The following HCN1 variants were observed in gnomAD, a reference collection of about 807,000 sequenced individuals.
HCN1 encodes hyperpolarization activated cyclic nucleotide gated potassium channel 1, also known as potassium/sodium hyperpolarization-activated cyclic nucleotide-gated channel 1.
In HCN1, 13 loss-of-function variants were observed where a neutral mutation model predicts 78.9. That is an observed-to-expected ratio of 0.16 (90% confidence interval 0.11 to 0.26). The LOEUF is 0.26. HCN1 is among the 10% of genes least tolerant of loss of function. The probability of loss-of-function intolerance (pLI) is 1.00; values close to 1 mark genes in which losing one functional copy is unlikely to be tolerated. For synonymous variants in HCN1, 552 were observed against 455.5 expected (o/e 1.21, Z -2.70); for missense variants, 810 against 1,154.3 (o/e 0.70, Z 4.32).
At chr5:45,313,620 G>A (rs965003701) in intron 5 of HCN1, among the ~76,000 whole-genome samples, 4 of 152,168 alleles carry the variant, frequency 2.6e-5, no homozygotes, top group Non-Finnish European at 5.9e-5. Context: ...AAACCTTGAA[G>A]AAATATTAGA....
intron 2 of HCN1, among the ~76,000 whole-genome samples, chr5:45,483,040 T>C (rs1741687700): frequency 6.6e-6 from 1 of 152,224 alleles, no homozygotes; most frequent in Non-Finnish European, 1.5e-5. Context: ...TCCATGTCTT[T>C]GCTATTGTAA....
At chr5:45,547,939 T>C (rs1477093494) in intron 2 of HCN1, among the ~76,000 whole-genome samples, 6 of 151,968 alleles carry the variant, frequency 3.9e-5, no homozygotes, top group Non-Finnish European at 8.8e-5. Context: ...TTCGTATCTG[T>C]CTTGCCACAA....
chr5:45,580,142 A>G (rs1744032577), intron 2 of HCN1, among the ~76,000 whole-genome samples: 1 of 152,080 alleles, frequency 6.6e-6, no homozygotes, highest in Non-Finnish European at 1.5e-5. Flanking sequence ...CTAGGAAAAT[A>G]TTAGATTACA....
intron 2 of HCN1, among the ~76,000 whole-genome samples, chr5:45,598,767 A>G (rs1744559312): frequency 6.6e-6 from 1 of 152,222 alleles, no homozygotes; most frequent in Middle Eastern, 3.2e-3. Context: ...ATGAACAGAC[A>G]CTTCTCAAAA....
intron 3 of HCN1, among the ~76,000 whole-genome samples, chr5:45,451,646 C>A (rs1203121012): frequency 6.6e-6 from 1 of 151,898 alleles, no homozygotes; most frequent in Non-Finnish European, 1.5e-5. Flanking sequence ...ATTATAATTT[C>A]ATTGAACTCA....
intron 2 of HCN1, among the ~76,000 whole-genome samples, chr5:45,527,571 GTCTC>G (rs1446229131): frequency 7.0e-6 from 1 of 142,232 alleles, no homozygotes; most frequent in African/African-American, 2.6e-5. Context: ...CTCTCTCTCT[GTCTC>G]TCTCCCATCA....
chr5:45,437,783 ATACTT>A (rs1435876476), intron 3 of HCN1, among the ~76,000 whole-genome samples: 1 of 152,210 alleles, frequency 6.6e-6, no homozygotes, highest in Non-Finnish European at 1.5e-5. Context: ...GTTTAAAAGA[ATACTT>A]TATTATTTCT....
chr5:45,396,479 T>C lies in HCN1; in HGVS notation c.1230+13A>G. 6.2e-7 allele frequency: 1 copy of C among 1,609,110 alleles called. No individual in the cohort carries two copies. Among genetic ancestry groups the C allele is most frequent in the Non-Finnish European group, 8.5e-7 (1 of 1,177,088 alleles). On this transcript the variant is annotated intron_variant, in intron 4 of 7. Coordinates refer to ENST00000303230, the MANE Select transcript of HCN1 (RefSeq NM_021072.4). ...GCTGGTTAAAGACATTGGCGATAAA[T>C]AAAACAAATTACCTTCTCTTGATAC...
At chr5:45,683,208 T>G (rs1470800978) in intron 1 of HCN1, among the ~76,000 whole-genome samples, 1 of 152,176 alleles carries the variant, frequency 6.6e-6, no homozygotes, top group Non-Finnish European at 1.5e-5. Flanking sequence ...AAAAATGGAT[T>G]TTACTCAATT....
chr5:45,362,172 G>C (rs931656147), intron 4 of HCN1, among the ~76,000 whole-genome samples: 5 of 151,116 alleles, frequency 3.3e-5, no homozygotes, highest in African/African-American at 1.2e-4. Flanking sequence ...GTGTGTGTGT[G>C]TGTGTGTGTG....
chr5:45,663,119 A>C lies in HCN1; in HGVS notation c.426-17511T>G, dbSNP rs1042515297. ...GGTACCAAAACAGAGATATAGATGA[A>C]TGGAACAGAACAGAGCCCTCAGAAA... On this transcript the variant is annotated intron_variant, in intron 1 of 7. Transcript: ENST00000303230. 3.6e-4 allele frequency among the ~76,000 whole-genome samples: 53 copies of C among 149,178 alleles called. 1 individual carries two copies. In the South Asian group the frequency reaches 3.9e-3, roughly 11 times the overall value.
chr5:45,691,064 A>T (rs1739902974), intron 1 of HCN1, among the ~76,000 whole-genome samples: 2 of 152,076 alleles, frequency 1.3e-5, no homozygotes, highest in African/African-American at 4.8e-5. Flanking sequence ...TACAAATACT[A>T]TTTATCTTGC....
intron 3 of HCN1, among the ~76,000 whole-genome samples, chr5:45,406,833 A>G (rs747489142): frequency 6.6e-6 from 1 of 152,206 alleles, no homozygotes; most frequent in Non-Finnish European, 1.5e-5. Context: ...ACGCTGAGGT[A>G]AAATTTCCTG....
At chr5:45,601,433 G>A (rs903439586) in intron 2 of HCN1, among the ~76,000 whole-genome samples, 1 of 152,094 alleles carries the variant, frequency 6.6e-6, no homozygotes, top group African/African-American at 2.4e-5. Flanking sequence ...ATTGACCTTT[G>A]GGGCCTGTGT....
At chr5:45,645,101 C>T in intron 2 of HCN1, 84 bp downstream of exon 2, 2 of 985,230 alleles carry the variant, frequency 2.0e-6, no homozygotes, top group South Asian at 1.4e-5. Context: ...AAACTCATTA[C>T]ACATTGCACA....
At position 45,372,680 on chromosome 5, in the gene HCN1, T is replaced by C. The variant is rs1035961170; in HGVS notation, c.1231-19434A>G. On this transcript the variant is annotated intron_variant, in intron 4 of 7. Coordinates refer to ENST00000303230, the MANE Select transcript of HCN1 (RefSeq NM_021072.4). ...AACATTTATATATAAAAATATAAAA[T>C]ATTTATATATAAAAATATATACGTA... Among the ~76,000 whole-genome samples the C allele has an allele frequency of 8.3e-4, 118 of 141,698 alleles. 2 individuals are homozygous for C. The highest frequency in any genetic ancestry group is 3.4e-3 in the East Asian group (16 of 4,748). 93.0% of individuals were successfully genotyped at this position (141,698 alleles called of 152,430 possible).
intron 2 of HCN1, among the ~76,000 whole-genome samples, chr5:45,622,523 G>C (rs1295877131): frequency 6.6e-6 from 1 of 152,048 alleles, no homozygotes; most frequent in African/African-American, 2.4e-5. Context: ...CAAAAAGACA[G>C]AGCCAGCTGG....
intron 3 of HCN1, among the ~76,000 whole-genome samples, chr5:45,434,598 T>C (rs745348265): frequency 1.3e-5 from 2 of 152,232 alleles, no homozygotes; most frequent in African/African-American, 2.4e-5. Flanking sequence ...AAGCTGCAGA[T>C]TGAGAAGGCA....
chr5:45,375,314 ATAAT>A (rs1747598445), intron 4 of HCN1, among the ~76,000 whole-genome samples: 3 of 111,784 alleles, frequency 2.7e-5, no homozygotes, highest in Non-Finnish European at 5.1e-5. Context: ...TACAATATAT[ATAAT>A]ATAATATTTT....
Sources: gnomAD v4.1 joint callset for allele counts (sites outside exome capture counted in the v4.1 genomes callset) on GRCh38, gnomAD v4.1.1 for gene constraint, MANE v1.5 for transcripts, NCBI Gene and HGNC (gene_info 2026-07-23, HGNC 2026-07-21) for gene names.